EMC8: variants seen among roughly 807,000 people sequenced by gnomAD.
The protein encoded by EMC8 is COX4 neighbor.
In EMC8, 11 loss-of-function variants were observed where a neutral mutation model predicts 24.3. The ratio of observed to expected loss-of-function variants is 0.45; its 90% CI spans 0.28 to 0.75. The LOEUF (loss-of-function observed/expected upper bound fraction) is 0.75, where lower values mean the gene tolerates loss of function less well. Ranked by LOEUF, EMC8 falls within the 30% of genes least tolerant of loss-of-function variation. EMC8 has a pLI of 0.12. For missense variants in EMC8, 277 were observed against 282.7 expected (o/e 0.98, Z 0.14); for synonymous variants, 145 against 117.7 (o/e 1.23, Z -1.50).
intron 1 of EMC8, among the ~76,000 whole-genome samples, chr16:85,793,635 C>T (rs1041602845): frequency 3.3e-5 from 5 of 152,204 alleles, no homozygotes; most frequent in African/African-American, 9.7e-5. Flanking sequence ...GAGCAGAGGA[C>T]AGGCCCACAT....
intron 2 of EMC8, among the ~76,000 whole-genome samples, chr16:85,786,088 T>C (rs1357675094): frequency 6.6e-6 from 1 of 152,160 alleles, no homozygotes; most frequent in African/African-American, 2.4e-5. Context: ...CACCAGCCAC[T>C]ACTGTAAACC....
At position 85,780,369 on chromosome 16, in the gene EMC8, G is replaced by T; in HGVS notation, c.473+10C>A. The T allele has an allele frequency of 6.2e-7, 1 of 1,609,592 alleles. No homozygotes were observed. The highest frequency in any genetic ancestry group is 8.5e-7 in the Non-Finnish European group (1 of 1,176,008). ...AGCCCAGCCCGCGCGGCAGCATGGG[G>T]CGCACTCACTGGTGTGGGTCTCTGC... On this transcript the variant is annotated intron_variant, in intron 4 of 4. Transcript: ENST00000253457.
chr16:85,794,974 T>G (rs532750217), intron 1 of EMC8, among the ~76,000 whole-genome samples: 58 of 152,326 alleles, frequency 3.8e-4, no homozygotes, highest in Admixed American at 8.5e-4. Context: ...GGTAAGTGGT[T>G]TGGGAGGCAG....
chr16:85,797,172 C>T (rs1028349122), intron 1 of EMC8, among the ~76,000 whole-genome samples: 5 of 152,146 alleles, frequency 3.3e-5, no homozygotes, highest in East Asian at 3.9e-4. Flanking sequence ...CTTTGGGATG[C>T]GGAGGTGGCC....
At chr16:85,780,143 C>T in intron 4 of EMC8, 1 of 602,076 alleles carries the variant, frequency 1.7e-6, no homozygotes, top group Admixed American at 2.9e-5. Flanking sequence ...AAGCACAGGC[C>T]TGGGAAGAGT....
intron 1 of EMC8, among the ~76,000 whole-genome samples, chr16:85,795,899 C>T (rs778843817): frequency 2.6e-5 from 4 of 152,132 alleles, no homozygotes; most frequent in Non-Finnish European, 5.9e-5. Flanking sequence ...GAACAGAATG[C>T]GGAGACACCT....
At chr16:85,786,105 A>G (rs1904742498) in intron 2 of EMC8, among the ~76,000 whole-genome samples, 1 of 152,228 alleles carries the variant, frequency 6.6e-6, no homozygotes, top group Non-Finnish European at 1.5e-5. Flanking sequence ...AACCAAGCAC[A>G]AGGACAAACA....
intron 1 of EMC8, among the ~76,000 whole-genome samples, chr16:85,789,849 G>A (rs865998708): frequency 4.6e-5 from 7 of 151,510 alleles, no homozygotes; most frequent in African/African-American, 1.2e-4. Context: ...TCTAAGCACC[G>A]CATCATGAAA....
intron 2 of EMC8, chr16:85,781,731 GC>G: frequency 5.9e-6 from 1 of 169,468 alleles, no homozygotes; most frequent in South Asian, 1.3e-4. Flanking sequence ...ACAGGCATGG[GC>G]CACTGTGCCC....
intron 1 of EMC8, among the ~76,000 whole-genome samples, chr16:85,791,483 G>C (rs1905010285): frequency 6.6e-6 from 1 of 152,156 alleles, no homozygotes; most frequent in South Asian, 2.1e-4. Context: ...CCCCGGCTCT[G>C]ACAGGCGCTG....
At chr16:85,784,769 T>C (rs1904675473) in intron 2 of EMC8, 1 of 152,026 alleles carries the variant, frequency 6.6e-6, no homozygotes, top group Admixed American at 6.5e-5. Context: ...CTGCATTTGC[T>C]GAGGAACTTG....
intron 2 of EMC8, among the ~76,000 whole-genome samples, chr16:85,782,727 C>A (rs191179420): frequency 1.1e-3 from 172 of 152,292 alleles, no homozygotes; most frequent in African/African-American, 4.0e-3. Context: ...CTCCTGACCA[C>A]TGCCTGATGG....
chr16:85,779,858 A>G lies in EMC8; in HGVS notation c.483T>C (p.Cys161=). ...TCCTCTGTGCCTCTGGCCAGTCTTC[A>G]CAGTAGTCACTACGGGTCAAACATG... ...WRCRDPHHDY[C]EDWPEAQRIS... Residue 161 remains cysteine (C), a synonymous_variant, in exon 5 of 5, where the codon TGT becomes TGC. Coordinates refer to ENST00000253457, the MANE Select transcript of EMC8 (RefSeq NM_006067.5). The G allele has an allele frequency of 4.3e-6, 7 of 1,614,082 alleles. No homozygotes were observed. The highest frequency in any genetic ancestry group is 5.9e-6 in the Non-Finnish European group (7 of 1,180,000).
In EMC8 at chr16:85,780,313, G is replaced by C. The variant is rs1198331097; in HGVS notation, c.473+66C>G. On this transcript the variant is annotated intron_variant, in intron 4 of 4. Coordinates refer to ENST00000253457, the MANE Select transcript of EMC8 (RefSeq NM_006067.5). ...CTAACTGAAAACACAGGCGGGGTGA[G>C]AGTGGCTCTCACGTGGCCGGGCGCT... The C allele has an allele frequency of 2.1e-5, 24 of 1,140,290 alleles. No individual in the cohort carries two copies. In the Admixed American group the frequency reaches 3.6e-4, roughly 17 times the overall value. 70.6% of individuals were successfully genotyped at this position (1,140,290 alleles called of 1,614,324 possible).
At chr16:85,791,808 C>T (rs1002189699) in intron 1 of EMC8, among the ~76,000 whole-genome samples, 3 of 152,210 alleles carry the variant, frequency 2.0e-5, no homozygotes, top group African/African-American at 7.2e-5. Context: ...CTTCCTGCCT[C>T]CCCTTTACAA....
At position 85,780,294 on chromosome 16, in the gene EMC8, G is replaced by T. The variant is rs971520296; in HGVS notation, c.473+85C>A. On this transcript the variant is annotated intron_variant, in intron 4 of 4. Transcript: ENST00000253457. ...CATGCTTCTGGAGAAAACGCTAACT[G>T]AAAACACAGGCGGGGTGAGAGTGGC... 17 of 994,640 alleles carry T rather than the reference G, an allele frequency of 1.7e-5. 1 individual carries two copies. Among genetic ancestry groups the T allele is most frequent in the Middle Eastern group, 2.2e-4 (1 of 4,608 alleles). 61.6% of individuals were successfully genotyped at this position (994,640 alleles called of 1,614,324 possible).
At chr16:85,797,218 G>C (rs1478282149) in intron 1 of EMC8, among the ~76,000 whole-genome samples, 2 of 152,160 alleles carry the variant, frequency 1.3e-5, no homozygotes, top group African/African-American at 4.8e-5. Flanking sequence ...GACCAGCCTG[G>C]TCAACACAGT....
At position 85,778,964 on chromosome 16, in the gene EMC8, C is replaced by A. The variant is rs1328671030; in HGVS notation, c.*744G>T. 1.3e-5 allele frequency: 2 copies of A among 152,214 alleles called. No homozygotes were observed. Among genetic ancestry groups the A allele is most frequent in the Admixed American group, 6.5e-5 (1 of 15,274 alleles). The allele number at this position is 152,214 out of a possible 1,614,324, so 9.4% of individuals were successfully genotyped here. A position where few individuals can be genotyped will look rare whatever the true frequency, so the allele number is the denominator to read the frequency against. ...AGTCTAAGTCTTGTTTTTCCTAATA[C>A]AAAAGAAACGATCATTTCCCTTTCC... On this transcript the variant is annotated 3_prime_UTR_variant, in exon 5 of 5. Transcript: ENST00000253457.
chr16:85,792,521 C>G (rs553416021), intron 1 of EMC8: 1 of 152,350 alleles, frequency 6.6e-6, no homozygotes, highest in Admixed American at 6.5e-5. Flanking sequence ...CCTCAGCACT[C>G]ACAGCGGCAG....
Sources: gnomAD v4.1 joint callset for allele counts (sites outside exome capture counted in the v4.1 genomes callset) on GRCh38, gnomAD v4.1.1 for gene constraint, MANE v1.5 for transcripts, NCBI Gene and HGNC (gene_info 2026-07-23, HGNC 2026-07-21) for gene names.